The following SLC67A1 variants were observed in gnomAD, a reference collection of about 807,000 sequenced individuals.
SLC67A1 encodes the protein solute carrier family 67 member A1.
chr11:2,917,018 G>T, the SLC67A1 span: 41 of 486,656 alleles, frequency 8.4e-5, no homozygotes, highest in African/African-American at 7.7e-4. Context: ...GGCCCAGACA[G>T]GGAAGGTGCT....
chr11:2,914,855 G>A, the SLC67A1 span: 1 of 985,434 alleles, frequency 1.0e-6, no homozygotes, highest in South Asian at 4.7e-5. Flanking sequence ...GTCTCTCTGG[G>A]GCTGGCCACA....
chr11:2,905,232 AGGTCG>A, the SLC67A1 span, among the ~76,000 whole-genome samples: 1 of 152,064 alleles, frequency 6.6e-6, no homozygotes, highest in African/African-American at 2.4e-5. Context: ...GGGAGGCTGG[AGGTCG>A]GATGAGCTGG....
At chr11:2,909,817 G>C in the SLC67A1 span, 1 of 1,231,038 alleles carries the variant, frequency 8.1e-7, no homozygotes, top group African/African-American at 1.6e-5. Flanking sequence ...CTCGTGGGGC[G>C]CGAGTGGCCA....
At chr11:2,914,839 G>A in the SLC67A1 span, 1 of 985,442 alleles carries the variant, frequency 1.0e-6, no homozygotes, top group South Asian at 4.7e-5. Context: ...CCCAAAGAAA[G>A]GGCCCGTCTC....
chr11:2,909,522 G>A, the SLC67A1 span: 2 of 1,482,448 alleles, frequency 1.3e-6, no homozygotes, highest in Non-Finnish European at 8.9e-7. Flanking sequence ...CGGGTCAGGG[G>A]GGGAAGGGCC....
chr11:2,903,375 G>A, the SLC67A1 span: 1 of 1,613,034 alleles, frequency 6.2e-7, no homozygotes. Flanking sequence ...CCAGGGACCA[G>A]GGCCGGTCCC....
the SLC67A1 span, among the ~76,000 whole-genome samples, chr11:2,910,469 G>A: frequency 6.6e-6 from 1 of 152,202 alleles, no homozygotes; most frequent in Non-Finnish European, 1.5e-5. Context: ...GCCTGAAGCA[G>A]GAGAGGGAGG....
At chr11:2,916,368 C>A in the SLC67A1 span, 1 of 433,856 alleles carries the variant, frequency 2.3e-6, no homozygotes, top group Non-Finnish European at 4.1e-6. Flanking sequence ...CAGCTGCTAC[C>A]CACAGGGGCT....
chr11:2,914,223 C>T, the SLC67A1 span, among the ~76,000 whole-genome samples: 1 of 152,194 alleles, frequency 6.6e-6, no homozygotes, highest in Admixed American at 6.5e-5. Context: ...AACCTGTCCC[C>T]ACCTTCCTGG....
the SLC67A1 span, among the ~76,000 whole-genome samples, chr11:2,904,373 G>A: frequency 6.6e-6 from 1 of 152,220 alleles, no homozygotes; most frequent in East Asian, 1.9e-4. Context: ...CCGAGGGTGA[G>A]CCTAAGGATC....
chr11:2,901,287 C>T, the SLC67A1 span, among the ~76,000 whole-genome samples: 1 of 152,258 alleles, frequency 6.6e-6, no homozygotes, highest in African/African-American at 2.4e-5. Flanking sequence ...CTTAGCCAGC[C>T]GGCCTTGGGC....
At chr11:2,919,062 C>T in the SLC67A1 span, 4 of 535,530 alleles carry the variant, frequency 7.5e-6, no homozygotes, top group Non-Finnish European at 1.4e-5. Context: ...TCCCTCCCTT[C>T]CAGCACCTTC....
chr11:2,911,290 G>T, the SLC67A1 span, among the ~76,000 whole-genome samples: 1 of 152,152 alleles, frequency 6.6e-6, no homozygotes, highest in Non-Finnish European at 1.5e-5. Flanking sequence ...GAGGAGCCAT[G>T]GGGAGGCGCC....
the SLC67A1 span, chr11:2,922,265 C>A: frequency 1.3e-6 from 2 of 1,539,578 alleles, no homozygotes; most frequent in Non-Finnish European, 1.8e-6. Context: ...GCCACCTGGG[C>A]GGTACCATCT....
the SLC67A1 span, among the ~76,000 whole-genome samples, chr11:2,924,046 C>A: frequency 6.6e-6 from 1 of 152,176 alleles, no homozygotes; most frequent in African/African-American, 2.4e-5. The surrounding 1 kb of genome is among the most constrained non-coding windows in gnomAD (Gnocchi z 8.6). Flanking sequence ...CCTCTGGGCA[C>A]GGGACCAGAG....
At chr11:2,906,897 A>AAAAG in the SLC67A1 span, among the ~76,000 whole-genome samples, 1 of 150,224 alleles carries the variant, frequency 6.7e-6, no homozygotes, top group African/African-American at 2.5e-5. Context: ...GAAAAAAAAA[A>AAAAG]AGAGAAGCTC....
At chr11:2,917,730 A>G in the SLC67A1 span, among the ~76,000 whole-genome samples, 149,741 of 152,370 alleles carry the variant, frequency 0.98, 73,642 homozygotes, top group East Asian at 1. Flanking sequence ...GCGTGCAGAG[A>G]ATGCTTTTCC....
chr11:2,922,421 C>T, the SLC67A1 span: 18,765 of 1,607,798 alleles, frequency 0.012, 1,494 homozygotes, highest in African/African-American at 0.2. Context: ...GCTCGGCCCC[C>T]GCCTGCCGTC....
chr11:2,909,884 G>A, the SLC67A1 span: 14 of 674,234 alleles, frequency 2.1e-5, no homozygotes, highest in South Asian at 2.7e-4. Context: ...CTGACCTCCC[G>A]GGCTGGCTGG....
Sources: gnomAD v4.1 joint callset for allele counts (sites outside exome capture counted in the v4.1 genomes callset) on GRCh38, gnomAD v4.1.1 for gene constraint, Gnocchi (gnomAD v3.1) non-coding constraint, MANE v1.5 for transcripts, NCBI Gene and HGNC (gene_info 2026-07-23, HGNC 2026-07-21) for gene names.